The following BCL2L11 variants were observed in gnomAD, a reference collection of about 807,000 sequenced individuals.
BCL2L11 encodes the protein bcl-2-like protein 11.
In BCL2L11, 15 loss-of-function variants were observed where a neutral mutation model predicts 20.6. That is an observed-to-expected ratio of 0.73 (90% CI 0.49 to 1.12). BCL2L11 has a LOEUF of 1.12. Among genes scored for constraint, BCL2L11 ranks in the 50% most tolerant of loss-of-function variants. BCL2L11 has a pLI of 0.00. For synonymous variants in BCL2L11, 108 were observed against 92.8 expected, an observed-to-expected ratio of 1.16 and a Z score of -0.94; for missense variants, 292 against 260.9, an observed-to-expected ratio of 1.12 and a Z score of -0.82.
chr2:111,128,674 A>G (rs2073223277), intron 2 of BCL2L11: 1 of 1,544,428 alleles, frequency 6.5e-7, no homozygotes, highest in Non-Finnish European at 8.7e-7. Context: ...CTTTGGATTT[A>G]TATTTACTGG....
rs776591386 is a variant in BCL2L11 at position 111,124,051 on chromosome 2, C to T, written c.306C>T (p.Asp102=). ...SSSGYFSFDT[D]RSPAPMSCDK... Reference sequence around the variant, plus strand: ...GTGGGTATTTCTCTTTTGACACAGACAGGAGCCCAGCACCCATGAGTTGTG... The same window carrying T: ...GTGGGTATTTCTCTTTTGACACAGATAGGAGCCCAGCACCCATGAGTTGTG... The change falls in exon 2 of 4, where the codon GAC becomes GAT. Residue 102 remains aspartate (D), a synonymous_variant. Coordinates refer to ENST00000393256, the MANE Select transcript of BCL2L11 (RefSeq NM_138621.5). 8 of 1,614,192 alleles carry T rather than the reference C, an allele frequency of 5.0e-6. No homozygotes were observed. The highest frequency in any genetic ancestry group is 5.1e-6 in the Non-Finnish European group (6 of 1,180,028).
intron 2 of BCL2L11, 95 bp downstream of exon 2, chr2:111,124,234 G>A (rs1032205667): frequency 3.0e-6 from 4 of 1,353,350 alleles, no homozygotes; most frequent in South Asian, 1.5e-5. Flanking sequence ...TTAAAACCCC[G>A]TAACTGATTT....
intron 2 of BCL2L11, among the ~76,000 whole-genome samples, chr2:111,141,398 G>GTAAACTATTGC (rs2075782488): frequency 6.6e-6 from 1 of 151,194 alleles, no homozygotes; most frequent in Non-Finnish European, 1.5e-5. Flanking sequence ...ATCATTCTCA[G>GTAAACTATTGC]TAAACTATTG....
chr2:111,166,263 C>T lies in BCL2L11; in HGVS notation c.*2032C>T, dbSNP rs570624537. The T allele has an allele frequency of 1.2e-4, 19 of 152,794 alleles. No individual in the cohort carries two copies. Among genetic ancestry groups the T allele is most frequent in the Non-Finnish European group, 1.9e-4 (13 of 68,124 alleles). The allele number at this position is 152,794 out of a possible 1,614,324, so 9.5% of individuals were successfully genotyped here. A position where few individuals can be genotyped will look rare whatever the true frequency, so the allele number is the denominator to read the frequency against. ...CTCTGTTTCCTCAGCCCTGCAGCCC[C>T]TGGGAGCACACACTGGGTGCAGCCC... is the stretch of plus-strand genomic sequence containing the variant. On this transcript the variant is annotated 3_prime_UTR_variant, in exon 4 of 4. Coordinates refer to ENST00000393256, the MANE Select transcript of BCL2L11 (RefSeq NM_138621.5).
intron 2 of BCL2L11, 59 bp downstream of exon 2, chr2:111,124,198 C>A: frequency 6.7e-7 from 1 of 1,482,452 alleles, no homozygotes; most frequent in Non-Finnish European, 9.1e-7. Flanking sequence ...TGCTTGAAGG[C>A]TGTGTGTGGC....
intron 3 of BCL2L11, among the ~76,000 whole-genome samples, chr2:111,153,439 C>G (rs933082366): frequency 1.3e-5 from 2 of 152,142 alleles, no homozygotes; most frequent in African/African-American, 4.8e-5. Flanking sequence ...ATCTTCAAAG[C>G]CACAGACACC....
chr2:111,122,446 G>C (rs2071265493), intron 1 of BCL2L11, among the ~76,000 whole-genome samples: 2 of 152,192 alleles, frequency 1.3e-5, no homozygotes, highest in African/African-American at 2.4e-5. Flanking sequence ...AGCAGCGCTC[G>C]GAGGCGAGTT....
At chr2:111,136,497 A>T (rs1361932937) in intron 2 of BCL2L11, among the ~76,000 whole-genome samples, 1 of 152,164 alleles carries the variant, frequency 6.6e-6, no homozygotes, top group Non-Finnish European at 1.5e-5. Context: ...TTAGGTGTTT[A>T]TGGTGGCTAT....
At chr2:111,143,636 C>T (rs1315879812) in intron 2 of BCL2L11, among the ~76,000 whole-genome samples, 1 of 152,156 alleles carries the variant, frequency 6.6e-6, no homozygotes, top group African/African-American at 2.4e-5. Flanking sequence ...GGCACACAGG[C>T]TGGGAGTCTT....
At position 111,120,973 on chromosome 2, in the gene BCL2L11, TGCCGCTGCCGCCGCCGCCGCCGCC is replaced by T. The variant is rs1558996146; in HGVS notation, c.-223_-200del. 1.5e-5 allele frequency: 4 copies of T among 271,164 alleles called. No homozygotes were observed. Among genetic ancestry groups the T allele is most frequent in the Non-Finnish European group, 2.4e-5 (4 of 168,872 alleles). The allele number at this position is 271,164 out of a possible 1,614,324, so 16.8% of individuals were successfully genotyped here. ...GTTGGAGCTCTGCGTCCAGCGCCGC[TGCCGCTGCCGCCGCCGCCGCCGCC>T]GCCGCCGCCGCCGCCGCCGCCGCCA... On this transcript the variant is annotated 5_prime_UTR_variant, in exon 1 of 4. Coordinates refer to ENST00000393256, the MANE Select transcript of BCL2L11 (RefSeq NM_138621.5).
At chr2:111,158,533 A>T (rs958152701) in intron 3 of BCL2L11, among the ~76,000 whole-genome samples, 1 of 150,834 alleles carries the variant, frequency 6.6e-6, no homozygotes, top group East Asian at 1.9e-4. Context: ...CCTATTATAT[A>T]TAATGTATAA....
At chr2:111,145,938 T>A (rs1234365900) in intron 2 of BCL2L11, 1 of 918,470 alleles carries the variant, frequency 1.1e-6, no homozygotes, top group Non-Finnish European at 1.3e-6. Context: ...TTTTTTTTTT[T>A]TTGTAACAAG....
intron 2 of BCL2L11, among the ~76,000 whole-genome samples, chr2:111,146,491 C>G (rs985871825): frequency 3.3e-5 from 5 of 152,212 alleles, no homozygotes; most frequent in African/African-American, 1.2e-4. Flanking sequence ...TTGGAGATTT[C>G]TGTATGCCAA....
chr2:111,139,627 A>G (rs2075477441), intron 2 of BCL2L11, among the ~76,000 whole-genome samples: 1 of 152,186 alleles, frequency 6.6e-6, no homozygotes, highest in Non-Finnish European at 1.5e-5. Context: ...TGAGTGAGTT[A>G]TGGATCCTTC....
intron 3 of BCL2L11, among the ~76,000 whole-genome samples, chr2:111,153,094 A>C (rs1418399376): frequency 1.3e-5 from 2 of 152,040 alleles, no homozygotes; most frequent in Admixed American, 1.3e-4. Context: ...CGCAAAACAC[A>C]AGGCTGGGTA....
At chr2:111,160,538 C>A (rs2078429251) in intron 3 of BCL2L11, among the ~76,000 whole-genome samples, 1 of 152,180 alleles carries the variant, frequency 6.6e-6, no homozygotes, top group East Asian at 1.9e-4. Context: ...CTTCTGGACA[C>A]ATGGGATGGC....
rs141962978 is a variant in BCL2L11 at position 111,150,077 on chromosome 2, G to T, written c.428G>T (p.Arg143Leu). ...SMRQAEPADM[R>L]PEIWIAQELR... is the part of the protein sequence containing the mutation. ...AGGCAGGCTGAACCTGCAGATATGC[G>T]CCCAGAGATATGGATCGCCCAAGAG... The change falls in exon 3 of 4, where the codon CGC becomes CTC. Residue 143 changes from arginine (R) to leucine (L), a missense_variant. Coordinates refer to ENST00000393256, the MANE Select transcript of BCL2L11 (RefSeq NM_138621.5). The T allele has an allele frequency of 1.9e-6, 3 of 1,613,934 alleles. No individual in the cohort carries two copies. Among genetic ancestry groups the T allele is most frequent in the Non-Finnish European group, 2.5e-6 (3 of 1,179,908 alleles).
intron 1 of BCL2L11, chr2:111,122,766 G>C (rs1173894819): frequency 3.0e-6 from 3 of 985,270 alleles, no homozygotes; most frequent in Non-Finnish European, 3.6e-6. Context: ...CGGGCTTTGC[G>C]CTGCGCCGGG....
chr2:111,121,537 G>A (rs2070923248), intron 1 of BCL2L11, among the ~76,000 whole-genome samples: 1 of 152,208 alleles, frequency 6.6e-6, no homozygotes, highest in Admixed American at 6.5e-5. Context: ...CCTGCTCGTA[G>A]TATCGGGCTG....
Sources: gnomAD v4.1 joint callset for allele counts (sites outside exome capture counted in the v4.1 genomes callset) on GRCh38, gnomAD v4.1.1 for gene constraint, MANE v1.5 for transcripts, NCBI Gene and HGNC (gene_info 2026-07-23, HGNC 2026-07-21) for gene names.